MYO9A: variants seen among roughly 807,000 people sequenced by gnomAD.
MYO9A encodes the protein unconventional myosin-IXa.
In MYO9A, 103 loss-of-function variants were observed where a neutral mutation model predicts 293.3. That is an observed-to-expected ratio of 0.35 (90% CI 0.30 to 0.41). The LOEUF (loss-of-function observed/expected upper bound fraction) is 0.41, where lower values mean the gene tolerates loss of function less well. MYO9A is among the 10% of genes least tolerant of loss of function. MYO9A has a pLI of 1.00. For synonymous variants in MYO9A, 1,001 were observed against 1,035.7 expected, an observed-to-expected ratio of 0.97 and a Z score of 0.64; for missense variants, 2,685 against 3,033.0, an observed-to-expected ratio of 0.89 and a Z score of 2.69.
At chr15:72,077,657 C>T (rs555551868) in intron 1 of MYO9A, among the ~76,000 whole-genome samples, 6 of 145,666 alleles carry the variant, frequency 4.1e-5, no homozygotes, top group Non-Finnish European at 7.5e-5. Flanking sequence ...GGGGGCGGCG[C>T]GGGCAGAGGT....
intron 18 of MYO9A, among the ~76,000 whole-genome samples, chr15:71,928,496 T>C (rs1041133467): frequency 2.0e-5 from 3 of 152,124 alleles, no homozygotes; most frequent in African/African-American, 7.2e-5. Flanking sequence ...TGGAATGTTA[T>C]AGGGATTGCA....
intron 1 of MYO9A, among the ~76,000 whole-genome samples, chr15:72,096,966 G>A (rs974688458): frequency 5.3e-5 from 8 of 152,206 alleles, no homozygotes; most frequent in African/African-American, 1.9e-4. Context: ...AACATGAACA[G>A]ATGATAAGCT....
chr15:72,014,768 AAGAG>A (rs927799407), intron 6 of MYO9A, among the ~76,000 whole-genome samples: 5 of 147,832 alleles, frequency 3.4e-5, no homozygotes, highest in Admixed American at 7.2e-5. Flanking sequence ...GAAAGAAAGA[AAGAG>A]AAAGAAAGAA....
chr15:71,983,192 C>T lies in MYO9A; in HGVS notation c.1723-4900G>A, dbSNP rs768724591. ...ACTACTTGTTCTTTGACTTTCATGG[C>T]ATTCCTTTTATTTCTTGCTTTCTTC... On this transcript the variant is annotated intron_variant, in intron 11 of 41. Transcript: ENST00000356056. Among the ~76,000 whole-genome samples the T allele has an allele frequency of 5.3e-5, 8 of 151,880 alleles. No individual in the cohort carries two copies. In the East Asian group the frequency reaches 1.5e-3, roughly 29 times the overall value.
At position 71,898,375 on chromosome 15, in the gene MYO9A, G is replaced by A; in HGVS notation, c.4128C>T (p.Ala1376=). The part of the protein sequence containing the change: ...KFDSRDNALS[A]SNETSSAEHL... Reference sequence around the variant, plus strand: ...GCTCTGCACTGCTAGTCTCATTTGAGGCACTGAGGGCATTGTCCCGTGAAT... The same window carrying A: ...GCTCTGCACTGCTAGTCTCATTTGAAGCACTGAGGGCATTGTCCCGTGAAT... Residue 1376 remains alanine (A), a synonymous_variant, in exon 25 of 42, where the codon GCC becomes GCT. Coordinates refer to ENST00000356056, the MANE Select transcript of MYO9A (RefSeq NM_006901.4). 2 of 1,613,532 alleles carry A rather than the reference G, an allele frequency of 1.2e-6. No individual in the cohort carries two copies. The highest frequency in any genetic ancestry group is 1.7e-6 in the Non-Finnish European group (2 of 1,180,022).
intron 1 of MYO9A, among the ~76,000 whole-genome samples, chr15:72,082,046 AT>A (rs1208542964): frequency 6.6e-6 from 1 of 151,946 alleles, no homozygotes; most frequent in Non-Finnish European, 1.5e-5. Context: ...ATTTTTAAAT[AT>A]TTTTTTCTAG....
intron 32 of MYO9A, among the ~76,000 whole-genome samples, chr15:71,875,353 G>C (rs1027141849): frequency 6.6e-6 from 1 of 152,014 alleles, no homozygotes; most frequent in Non-Finnish European, 1.5e-5. Flanking sequence ...GCATGTCAGC[G>C]TGAAAAAGTG....
intron 18 of MYO9A, among the ~76,000 whole-genome samples, chr15:71,919,271 T>C (rs1481479469): frequency 6.6e-6 from 1 of 151,952 alleles, no homozygotes; most frequent in Non-Finnish European, 1.5e-5. Context: ...CAAGGCTTCA[T>C]GCCTACTAAA....
At chr15:72,102,499 T>TAAAAAAAAAA (rs55804686) in intron 1 of MYO9A, among the ~76,000 whole-genome samples, 1 of 114,458 alleles carries the variant, frequency 8.7e-6, no homozygotes, top group Non-Finnish European at 1.8e-5. Flanking sequence ...TAAATAAATT[T>TAAAAAAAAAA]AAAAAAAAAA....
intron 6 of MYO9A, among the ~76,000 whole-genome samples, chr15:72,011,606 A>T (rs1425653556): frequency 6.6e-6 from 1 of 152,032 alleles, no homozygotes; most frequent in African/African-American, 2.4e-5. Context: ...AGAAAAAAAA[A>T]ATTGTTGTGG....
intron 19 of MYO9A, among the ~76,000 whole-genome samples, chr15:71,912,744 C>G (rs1055454615): frequency 2.0e-5 from 3 of 152,024 alleles, no homozygotes; most frequent in African/African-American, 7.2e-5. Context: ...TCTACTTAAC[C>G]TTAGTTTTTA....
chr15:71,893,299 A>G (rs1384899937), intron 26 of MYO9A: 2 of 712,098 alleles, frequency 2.8e-6, no homozygotes, highest in Non-Finnish European at 4.0e-6. Flanking sequence ...CCTCCACCCA[A>G]CCATGCCCTT....
intron 15 of MYO9A, among the ~76,000 whole-genome samples, chr15:71,943,751 A>T (rs1013976517): frequency 9.2e-5 from 14 of 152,092 alleles, no homozygotes; most frequent in African/African-American, 3.4e-4. Flanking sequence ...ATTGGCTTGT[A>T]TTGACTAGAA....
chr15:72,068,770 C>A (rs1404723878), intron 1 of MYO9A, among the ~76,000 whole-genome samples: 1 of 152,120 alleles, frequency 6.6e-6, no homozygotes, highest in Non-Finnish European at 1.5e-5. Context: ...AGCCACCATA[C>A]CCAGCCATAT....
In MYO9A at chr15:71,916,506, A is replaced by C. The variant is rs888390503; in HGVS notation, c.2563-14T>G. The C allele has an allele frequency of 4.4e-6, 7 of 1,587,476 alleles. No homozygotes were observed. In the Admixed American group the frequency reaches 9.7e-5, roughly 22 times the overall value. ...TTCTAGCAAGTGCTGAAAGAAGAGA[A>C]AAAATAAATTGCTCACATAAATTAA... On this transcript the variant is annotated splice_polypyrimidine_tract_variant and intron_variant, in intron 18 of 41. Transcript: ENST00000356056.
In MYO9A at chr15:72,072,593, T is replaced by C. The variant is rs75575218; in HGVS notation, c.-71-25959A>G. On this transcript the variant is annotated intron_variant, in intron 1 of 41. Transcript: ENST00000356056. ...ACTACCATAAAAAATAATGAAATCA[T>C]GTCCTTTGCAGCAATATGAATGCAG... 9.9e-3 allele frequency among the ~76,000 whole-genome samples: 1,504 copies of C among 152,322 alleles called. 26 individuals are homozygous for C. The highest frequency in any genetic ancestry group is 0.034 in the African/African-American group (1,415 of 41,568).
chr15:71,949,761 C>T (rs1335615508), intron 15 of MYO9A, among the ~76,000 whole-genome samples: 1 of 151,300 alleles, frequency 6.6e-6, no homozygotes, highest in Non-Finnish European at 1.5e-5. Flanking sequence ...GGTTTTAGCC[C>T]TTTAGCAGCT....
chr15:72,027,625 GC>G (rs1374545776), intron 4 of MYO9A, 105 bp downstream of exon 4: 4 of 840,330 alleles, frequency 4.8e-6, no homozygotes, highest in African/African-American at 1.7e-5. Flanking sequence ...ATAAAGCTAT[GC>G]ATGACGTAAA....
At chr15:72,065,711 A>G (rs1339556393) in intron 1 of MYO9A, among the ~76,000 whole-genome samples, 3 of 152,114 alleles carry the variant, frequency 2.0e-5, no homozygotes, top group African/African-American at 7.2e-5. Context: ...CACATATCAA[A>G]AAAAAGACTT....
Sources: allele counts gnomAD v4.1 joint callset (sites outside exome capture counted in the v4.1 genomes callset), GRCh38; gene constraint gnomAD v4.1.1; transcripts MANE v1.5; gene names NCBI Gene and HGNC (gene_info 2026-07-23, HGNC 2026-07-21).